The following GRM5 variants were observed in gnomAD, a reference collection of about 807,000 sequenced individuals.
GRM5 encodes the protein glutamate metabotropic receptor 5.
Under a neutral mutation model 83.1 loss-of-function variants are expected in GRM5, and 19 were observed. The observed-to-expected ratio is 0.23, with a 90% CI of 0.16 to 0.34. The LOEUF (loss-of-function observed/expected upper bound fraction) is 0.34, where lower values mean the gene tolerates loss of function less well. Ranked by LOEUF, GRM5 falls within the 10% of genes least tolerant of loss-of-function variation. The pLI is 1.00. For synonymous variants in GRM5, 675 were observed against 633.6 expected, an observed-to-expected ratio of 1.07 and a Z score of -0.98; for missense variants, 1,160 against 1,588.3, an observed-to-expected ratio of 0.73 and a Z score of 4.58.
At chr11:88,758,511 T>G (rs1471769745) in intron 3 of GRM5, among the ~76,000 whole-genome samples, 1 of 152,142 alleles carries the variant, frequency 6.6e-6, no homozygotes, top group East Asian at 1.9e-4. Context: ...AGACTGGCTT[T>G]CTGAAATAAG....
intron 3 of GRM5, among the ~76,000 whole-genome samples, chr11:88,678,080 A>G (rs1390062178): frequency 6.7e-6 from 1 of 149,028 alleles, no homozygotes; most frequent in Non-Finnish European, 1.5e-5. Flanking sequence ...TTTTTTAGAG[A>G]CAGTGTCTTA....
At chr11:88,772,204 G>T (rs572991952) in intron 3 of GRM5, among the ~76,000 whole-genome samples, 5 of 151,836 alleles carry the variant, frequency 3.3e-5, no homozygotes, top group Non-Finnish European at 7.4e-5. Flanking sequence ...TTAAATTCAG[G>T]ACTAATATGT....
intron 2 of GRM5, among the ~76,000 whole-genome samples, chr11:88,943,883 A>T (rs1400168379): frequency 6.6e-6 from 1 of 152,006 alleles, no homozygotes; most frequent in African/African-American, 2.4e-5. Context: ...ATGTTCAACC[A>T]ACCGAGCACA....
At chr11:88,649,325 GTAA>G (rs1939565276) in intron 4 of GRM5, among the ~76,000 whole-genome samples, 1 of 136,034 alleles carries the variant, frequency 7.4e-6, no homozygotes, top group Non-Finnish European at 1.5e-5. Flanking sequence ...ACATATATAT[GTAA>G]TACATATATT....
rs765203059 is a variant in GRM5, at chr11:88,980,896, T to C, written c.661+66316A>G. On this transcript the variant is annotated intron_variant, in intron 2 of 9. Coordinates refer to ENST00000305447, the MANE Select transcript of GRM5 (RefSeq NM_001143831.3). ...AGTTCAGTTAATAGTATCATACCAATTGTTTGGACAAATGGTGATGTAAAA... is the reference window on the plus strand; with the variant it reads ...AGTTCAGTTAATAGTATCATACCAACTGTTTGGACAAATGGTGATGTAAAA... Among the ~76,000 whole-genome samples the C allele has an allele frequency of 4.6e-5, 7 of 152,244 alleles. No homozygotes were observed. The East Asian group carries it at 1.2e-3, about 25-fold the overall frequency.
At chr11:88,656,591 T>C (rs1939772558) in intron 3 of GRM5, among the ~76,000 whole-genome samples, 2 of 152,112 alleles carry the variant, frequency 1.3e-5, no homozygotes, top group Non-Finnish European at 2.9e-5. Context: ...CGCCATCTTT[T>C]GCATGTTCGT....
intron 3 of GRM5, among the ~76,000 whole-genome samples, chr11:88,816,810 T>C (rs11021438): frequency 0.22 from 32,416 of 148,868 alleles, 4,710 homozygotes; most frequent in Non-Finnish European, 0.32. Flanking sequence ...AGAAGTTATA[T>C]TGCTACAAAT....
intron 2 of GRM5, among the ~76,000 whole-genome samples, chr11:88,943,341 C>T (rs1441376991): frequency 2.0e-5 from 3 of 152,074 alleles, no homozygotes; most frequent in Admixed American, 6.6e-5. Context: ...CTCTTCTATA[C>T]ATTAGCTTCA....
At chr11:88,584,284 C>G (rs907665301) in intron 7 of GRM5, among the ~76,000 whole-genome samples, 20 of 151,756 alleles carry the variant, frequency 1.3e-4, no homozygotes, top group Non-Finnish European at 2.6e-4. Context: ...CCATCTAACT[C>G]CCTTTCTTCT....
At chr11:88,683,358 AAC>A (rs1223574704) in intron 3 of GRM5, among the ~76,000 whole-genome samples, 3 of 152,214 alleles carry the variant, frequency 2.0e-5, no homozygotes, top group Non-Finnish European at 2.9e-5. Context: ...CACCAGCGAA[AAC>A]ACTGCCTAGT....
chr11:88,872,668 G>C (rs1363406996), intron 2 of GRM5, among the ~76,000 whole-genome samples: 2 of 151,140 alleles, frequency 1.3e-5, no homozygotes, highest in African/African-American at 4.8e-5. Flanking sequence ...CCCTGGCAGT[G>C]ACAGAGAGCA....
chr11:89,052,553 C>A (rs1941782660), intron 1 of GRM5, among the ~76,000 whole-genome samples: 1 of 152,114 alleles, frequency 6.6e-6, no homozygotes, highest in South Asian at 2.1e-4. Context: ...AGATTTCTGA[C>A]ACATTGGCTA....
intron 2 of GRM5, among the ~76,000 whole-genome samples, chr11:88,959,067 A>G (rs1446454328): frequency 6.6e-6 from 1 of 152,160 alleles, no homozygotes; most frequent in East Asian, 1.9e-4. Context: ...AGAGAATGAG[A>G]AATAGAGATA....
chr11:88,939,485 T>G (rs1057089799), intron 2 of GRM5, among the ~76,000 whole-genome samples: 1 of 151,814 alleles, frequency 6.6e-6, no homozygotes, highest in Non-Finnish European at 1.5e-5. Flanking sequence ...GTATTTTAGC[T>G]GCATATGTGG....
Position 88,719,982 on chromosome 11 carries a change from A to AGTT in GRM5, c.912-66582_912-66580dup, listed in dbSNP as rs200297765. 4.7e-4 allele frequency among the ~76,000 whole-genome samples: 72 copies of AGTT among 152,222 alleles called. 1 individual carries two copies. In the East Asian group the frequency reaches 0.013, roughly 28 times the overall value. Reference sequence around the variant, plus strand: ...GGTATTAGACCTTTGTCAGATACATAGTTTGCAAAAATGTTCTCCCATTCT... The same window carrying AGTT: ...GGTATTAGACCTTTGTCAGATACATAGTTGTTTGCAAAAATGTTCTCCCATTCT... On this transcript the variant is annotated intron_variant, in intron 3 of 9. Coordinates refer to ENST00000305447, the MANE Select transcript of GRM5 (RefSeq NM_001143831.3).
intron 4 of GRM5, among the ~76,000 whole-genome samples, chr11:88,637,907 A>G (rs1192398165): frequency 6.6e-6 from 1 of 151,088 alleles, no homozygotes; most frequent in African/African-American, 2.4e-5. Context: ...AACCAACCCA[A>G]ATGTCCAACA....
At chr11:88,877,841 AGCAG>A (rs758901990) in intron 2 of GRM5, among the ~76,000 whole-genome samples, 33,683 of 145,888 alleles carry the variant, frequency 0.23, 4,294 homozygotes, top group South Asian at 0.5. Flanking sequence ...AAAAAAAAAA[AGCAG>A]AAAGAAAGAA....
intron 8 of GRM5, among the ~76,000 whole-genome samples, chr11:88,552,274 C>T (rs934139187): frequency 6.6e-6 from 1 of 152,028 alleles, no homozygotes; most frequent in Non-Finnish European, 1.5e-5. Flanking sequence ...TGATTCTTTC[C>T]CACTGGCCTC....
At chr11:88,964,685 A>C (rs565387987) in intron 2 of GRM5, among the ~76,000 whole-genome samples, 1 of 152,344 alleles carries the variant, frequency 6.6e-6, no homozygotes, top group East Asian at 1.9e-4. Context: ...GTAACTTGGC[A>C]CATCATATTC....
Sources: gnomAD v4.1 joint callset for allele counts (sites outside exome capture counted in the v4.1 genomes callset) on GRCh38, gnomAD v4.1.1 for gene constraint, MANE v1.5 for transcripts, NCBI Gene and HGNC (gene_info 2026-07-23, HGNC 2026-07-21) for gene names.